Variants in CPLANE1 observed in about 807,000 individuals in gnomAD.
CPLANE1 encodes ciliogenesis and planar polarity effector 1.
Under a neutral mutation model 362.5 loss-of-function variants are expected in CPLANE1, and 263 were observed. The observed-to-expected ratio is 0.73, with a 90% CI of 0.66 to 0.80. The LOEUF (loss-of-function observed/expected upper bound fraction) is 0.80, where lower values mean the gene tolerates loss of function less well. Among genes scored for constraint, CPLANE1 ranks in the 30% least tolerant of loss-of-function variants. The probability of loss-of-function intolerance (pLI) is 0.00; values close to 1 mark genes in which losing one functional copy is unlikely to be tolerated. For synonymous variants in CPLANE1, 1,212 were observed against 1,302.6 expected (o/e 0.93, Z 1.50); for missense variants, 3,461 against 3,793.4 (o/e 0.91, Z 2.30).
rs1763864133 is a variant in CPLANE1 at position 37,125,426 on chromosome 5, G to A, written c.8793-17C>T. ...TGCTGAATTCTGAGAAATTTAACAA[G>A]CAAGACATCATTTGCTTTTAAATTT... is the stretch of plus-strand genomic sequence containing the variant. On this transcript the variant is annotated splice_polypyrimidine_tract_variant and intron_variant, in intron 46 of 52. Coordinates refer to ENST00000651892, the MANE Select transcript of CPLANE1 (RefSeq NM_001384732.1). 1 of 1,607,086 alleles carries A rather than the reference G, an allele frequency of 6.2e-7. No homozygotes were observed. The highest frequency in any genetic ancestry group is 1.1e-5 in the South Asian group (1 of 90,194).
downstream of CPLANE1, among the ~76,000 whole-genome samples, chr5:37,105,923 C>A (rs1309188172): frequency 6.6e-6 from 1 of 152,040 alleles, no homozygotes; most frequent in East Asian, 1.9e-4. Context: ...CTCAATATTA[C>A]TAATCATCAG....
the CPLANE1 span, among the ~76,000 whole-genome samples, chr5:37,098,853 T>C: frequency 7.3e-6 from 1 of 136,502 alleles, no homozygotes. Flanking sequence ...GAAAACACAA[T>C]GTACCACAAC....
chr5:37,196,415 AT>A (rs1787458323), intron 20 of CPLANE1, among the ~76,000 whole-genome samples: 1 of 152,204 alleles, frequency 6.6e-6, no homozygotes, highest in African/African-American at 2.4e-5. Context: ...AAATGGCAGA[AT>A]TAGAAAGACA....
At chr5:37,173,991 C>G in intron 31 of CPLANE1, 44 bp from the exon 32 acceptor site, 9 of 1,493,272 alleles carry the variant, frequency 6.0e-6, no homozygotes, top group Non-Finnish European at 7.4e-6. Flanking sequence ...TTAAAATTGA[C>G]AAAAAACAAA....
intron 2 of CPLANE1, chr5:37,246,594 GA>G (rs1739747110): frequency 6.6e-6 from 1 of 152,014 alleles, no homozygotes. Flanking sequence ...TTATTACCTA[GA>G]AAAAGTAGGC....
intron 46 of CPLANE1, chr5:37,130,788 T>C (rs1449749772): frequency 2.6e-5 from 4 of 152,774 alleles, no homozygotes; most frequent in African/African-American, 9.6e-5. Context: ...TTTATACAAT[T>C]TTATTTTTAA....
chr5:37,114,540 C>T (rs1259963664), intron 51 of CPLANE1, among the ~76,000 whole-genome samples: 1 of 152,148 alleles, frequency 6.6e-6, no homozygotes, highest in South Asian at 2.1e-4. Flanking sequence ...ACCACTGCAG[C>T]GCAGAGCCAC....
rs780331230 is a variant in CPLANE1 at position 37,182,991 on chromosome 5, T to C, written c.5190A>G (p.Gln1730=). 9.3e-6 allele frequency: 15 copies of C among 1,610,654 alleles called. No homozygotes were observed. The Middle Eastern group carries it at 4.9e-4, about 53-fold the overall frequency. Residue 1730 remains glutamine (Q), a synonymous_variant, in exon 26 of 53, where the codon CAA becomes CAG. Transcript: ENST00000651892. ...KAIQCNDINP[Q]EDLPLALNTF... is the part of the protein sequence containing the mutation. ...TGTTTAGTGCTAAAGGAAGATCTTCTTGAGGGTTAATATCATTGCACTGAA... is the reference window on the plus strand; with the variant it reads ...TGTTTAGTGCTAAAGGAAGATCTTCCTGAGGGTTAATATCATTGCACTGAA...
chr5:37,180,732 C>CCTG, intron 27 of CPLANE1, 125 bp downstream of exon 27: 1 of 793,460 alleles, frequency 1.3e-6, no homozygotes, highest in East Asian at 2.6e-5. Flanking sequence ...AAGCTCACTG[C>CCTG]CTGCTCCTCT....
rs1778033275 is a variant in CPLANE1 at position 37,165,592 on chromosome 5, G to T, written c.7480C>A (p.Pro2494Thr). 1 of 1,610,068 alleles carries T rather than the reference G, an allele frequency of 6.2e-7. No individual in the cohort carries two copies. Among genetic ancestry groups the T allele is most frequent in the Admixed American group, 1.7e-5 (1 of 59,228 alleles). Residue 2494 changes from proline (P) to threonine (T), a missense_variant, in exon 36 of 53, where the codon CCA (proline) becomes ACA (threonine). Pro to Thr is a conservative substitution (Grantham distance 38). Transcript: ENST00000651892. ...TCATTATTAATTATGGAATTCTCTG[G>T]TCGAAAAGTCACATTTGGTTTTCTC... ...LRRKPNVTFR[P>T]ENSIINNDDS... is the part of the protein sequence containing the mutation.
At position 37,209,921 on chromosome 5, in the gene CPLANE1, T is replaced by C; in HGVS notation, c.2921-3496A>G. 7.1e-7 allele frequency: 1 copy of C among 1,398,718 alleles called. No individual in the cohort carries two copies. The highest frequency in any genetic ancestry group is 1.0e-6 in the Non-Finnish European group (1 of 985,738). The allele number at this position is 1,398,718 out of a possible 1,614,324, so 86.6% of individuals were successfully genotyped here. On this transcript the variant is annotated intron_variant, in intron 16 of 52. Transcript: ENST00000651892. The surrounding 1 kb of genome is among the most constrained non-coding windows in gnomAD (Gnocchi z 4.6). ...TTATTGATGATCAGTTTGCAGATGC[T>C]TACCCTCAGCGTATCAAGTTTGAGT...
intron 34 of CPLANE1, among the ~76,000 whole-genome samples, chr5:37,168,251 C>T (rs1438085110): frequency 6.6e-6 from 1 of 152,082 alleles, no homozygotes; most frequent in African/African-American, 2.4e-5. Context: ...CAAATTTAAC[C>T]TGTCAAAGAT....
At chr5:37,121,172 T>C (rs538987465) in intron 49 of CPLANE1, among the ~76,000 whole-genome samples, 3 of 152,274 alleles carry the variant, frequency 2.0e-5, no homozygotes, top group Admixed American at 6.5e-5. Flanking sequence ...TACATAATAG[T>C]AGCTACAGCT....
At chr5:37,210,801 G>A in intron 16 of CPLANE1, 2 of 1,149,760 alleles carry the variant, frequency 1.7e-6, no homozygotes, top group South Asian at 1.2e-5. Context: ...TCCTGAACTT[G>A]CGGTCTTTCA....
chr5:37,122,256 A>T (rs1762873841), intron 48 of CPLANE1, among the ~76,000 whole-genome samples, 174 bp downstream of exon 48: 1 of 152,214 alleles, frequency 6.6e-6, no homozygotes, highest in African/African-American at 2.4e-5. Context: ...TTTGAAAGCA[A>T]ATTTGAAAAA....
chr5:37,202,913 GTA>G (rs1354797851), intron 18 of CPLANE1, among the ~76,000 whole-genome samples: 1 of 150,380 alleles, frequency 6.6e-6, no homozygotes, highest in Non-Finnish European at 1.5e-5. Context: ...TATCTATTTT[GTA>G]TATATTTATC....
At chr5:37,203,699 G>A (rs529165312) in intron 18 of CPLANE1, among the ~76,000 whole-genome samples, 15 of 152,210 alleles carry the variant, frequency 9.9e-5, no homozygotes, top group African/African-American at 3.6e-4. Flanking sequence ...TGTATTTTCT[G>A]TAGAGACAGG....
chr5:37,087,606 A>G, the CPLANE1 span, among the ~76,000 whole-genome samples: 21 of 151,964 alleles, frequency 1.4e-4, no homozygotes, highest in Non-Finnish European at 7.4e-5. Flanking sequence ...ACAGGCGCCC[A>G]CCACCACGCC....
chr5:37,146,318 A>G (rs1282479346), intron 43 of CPLANE1, among the ~76,000 whole-genome samples: 1 of 152,020 alleles, frequency 6.6e-6, no homozygotes, highest in Non-Finnish European at 1.5e-5. Context: ...AGCTGGGACT[A>G]CAGGCACCCG....
Sources: allele counts gnomAD v4.1 joint callset (sites outside exome capture counted in the v4.1 genomes callset), GRCh38; gene constraint gnomAD v4.1.1; non-coding constraint Gnocchi (gnomAD v3.1); transcripts MANE v1.5; gene names NCBI Gene and HGNC (gene_info 2026-07-23, HGNC 2026-07-21).